Variants in SDHC observed in about 807,000 individuals in gnomAD.
The protein encoded by SDHC is succinate dehydrogenase complex subunit C.
In SDHC, 11 loss-of-function variants were observed where a neutral mutation model predicts 22.6. The ratio of observed to expected loss-of-function variants is 0.49; its 90% confidence interval spans 0.31 to 0.81. SDHC has a LOEUF of 0.81. Among genes scored for constraint, SDHC ranks in the 30% least tolerant of loss-of-function variants. The pLI, the probability that SDHC is intolerant of heterozygous loss-of-function variation, is 0.05. For missense variants in SDHC, 160 were observed against 212.0 expected (o/e 0.75, Z 1.52); for synonymous variants, 80 against 77.8 (o/e 1.03, Z -0.15).
intron 3 of SDHC, among the ~76,000 whole-genome samples, chr1:161,331,069 G>C (rs1314548798): frequency 6.6e-6 from 1 of 150,714 alleles, no homozygotes; most frequent in Non-Finnish European, 1.5e-5. Context: ...CATTAGACAA[G>C]ACGTTCCCTT....
chr1:161,362,058 CG>C (rs1313136184), intron 5 of SDHC, among the ~76,000 whole-genome samples: 1 of 151,790 alleles, frequency 6.6e-6, no homozygotes, highest in African/African-American at 2.4e-5. Context: ...TTTTGTATAC[CG>C]TATGGGGCCT....
chr1:161,362,608 G>A lies in SDHC; in HGVS notation c.*175G>A. The stretch of plus-strand genomic sequence containing the variant: ...TGGTAGACCATAATAGTGGAAAAGG[G>A]TCTAGTTTTCCCCTTGTTTCTAAAG... On this transcript the variant is annotated 3_prime_UTR_variant, in exon 6 of 6. Transcript: ENST00000367975. The A allele has an allele frequency of 1.2e-6, 2 of 1,603,896 alleles. No individual in the cohort carries two copies. The highest frequency in any genetic ancestry group is 1.7e-6 in the Non-Finnish European group (2 of 1,175,106).
chr1:161,320,446 G>A (rs60261157), intron 1 of SDHC, among the ~76,000 whole-genome samples: 17,876 of 152,112 alleles, frequency 0.12, 1,422 homozygotes, highest in African/African-American at 0.22. Context: ...GTCATATAAT[G>A]TATGACTATA....
intron 5 of SDHC, among the ~76,000 whole-genome samples, chr1:161,357,545 G>A (rs561989175): frequency 2.7e-5 from 4 of 150,310 alleles, no homozygotes; most frequent in East Asian, 2.0e-4. Context: ...GACTACAGGC[G>A]CCTCCCACCA....
At chr1:161,335,779 C>T (rs74127630) in intron 3 of SDHC, among the ~76,000 whole-genome samples, 17,810 of 152,054 alleles carry the variant, frequency 0.12, 1,419 homozygotes, top group African/African-American at 0.22. Flanking sequence ...CACATACATA[C>T]GTGTGTGTAT....
At chr1:161,319,633 G>A (rs1670769132) in intron 1 of SDHC, among the ~76,000 whole-genome samples, 1 of 151,996 alleles carries the variant, frequency 6.6e-6, no homozygotes, top group Non-Finnish European at 1.5e-5. Context: ...TTTTACTAGA[G>A]GTGGGGTTTC....
At chr1:161,342,766 G>T (rs572736254) in intron 4 of SDHC, among the ~76,000 whole-genome samples, 1 of 152,152 alleles carries the variant, frequency 6.6e-6, no homozygotes, top group East Asian at 1.9e-4. Flanking sequence ...AAGTGCTGGG[G>T]TTACAGGCGT....
chr1:161,315,200 G>A (rs898838826), intron 1 of SDHC, among the ~76,000 whole-genome samples: 1 of 152,174 alleles, frequency 6.6e-6, no homozygotes, highest in Admixed American at 6.5e-5. Flanking sequence ...GCATAGTTTT[G>A]TGCCAGCCTT....
In SDHC at chr1:161,362,404, T is replaced by C. The variant is rs777072082; in HGVS notation, c.481T>C (p.Leu161=). 1 of 1,613,706 alleles carries C rather than the reference T, an allele frequency of 6.2e-7. No individual in the cohort carries two copies. The highest frequency in any genetic ancestry group is 1.1e-5 in the South Asian group (1 of 91,030). Residue 161 remains leucine, a synonymous_variant, in exon 6 of 6, where the codon TTG becomes CTG. Coordinates refer to ENST00000367975, the MANE Select transcript of SDHC (RefSeq NM_003001.5). ...SGVVVLVLTV[L]SSMGLAAM ...AGTGGTTGTCCTGGTTCTTACTGTG[T>C]TGTCCTCTATGGGGCTGGCAGCCAT...
chr1:161,317,140 T>C (rs1670646546), intron 1 of SDHC, among the ~76,000 whole-genome samples: 1 of 152,020 alleles, frequency 6.6e-6, no homozygotes, highest in South Asian at 2.1e-4. Context: ...TGCCTCAGCC[T>C]TCTGAGTAGA....
rs181548404 is a variant in SDHC, at chr1:161,350,356, A to G, written c.242-6321A>G. ...GTGAGCCACCATGCTCAGCCTGGAT[A>G]ATACCTTTTTGCTGTGTATGGGGGC... On this transcript the variant is annotated intron_variant, in intron 4 of 5. Transcript: ENST00000367975. 3.4e-3 allele frequency among the ~76,000 whole-genome samples: 521 copies of G among 152,328 alleles called. 5 individuals carry two copies. Among genetic ancestry groups the G allele is most frequent in the African/African-American group, 0.012 (489 of 41,570 alleles).
intron 4 of SDHC, among the ~76,000 whole-genome samples, chr1:161,353,027 A>G (rs1219213409): frequency 1.3e-5 from 2 of 152,224 alleles, no homozygotes; most frequent in African/African-American, 4.8e-5. Flanking sequence ...ATGTAGTAGT[A>G]GAATGATTTT....
intron 4 of SDHC, among the ~76,000 whole-genome samples, chr1:161,348,030 TA>T (rs1287475860): frequency 1.3e-5 from 2 of 152,194 alleles, no homozygotes; most frequent in African/African-American, 2.4e-5. Context: ...GCCTCCTGGA[TA>T]AATACAAAAT....
chr1:161,335,370 A>C lies in SDHC; in HGVS notation c.180-5224A>C, dbSNP rs1347506378. 4.6e-5 allele frequency among the ~76,000 whole-genome samples: 7 copies of C among 152,274 alleles called. No individual in the cohort carries two copies. In the East Asian group the frequency reaches 1.3e-3, roughly 29 times the overall value. ...GGCGGGAGATACTTTGAAACTCTAA[A>C]TATTCTTTCTCATCAGATATTTACT... On this transcript the variant is annotated intron_variant, in intron 3 of 5. Coordinates refer to ENST00000367975, the MANE Select transcript of SDHC (RefSeq NM_003001.5).
chr1:161,355,701 G>C (rs1316320167), intron 4 of SDHC, among the ~76,000 whole-genome samples: 2 of 152,030 alleles, frequency 1.3e-5, no homozygotes, highest in Non-Finnish European at 2.9e-5. Context: ...GATAAAAAAA[G>C]GGCCAGGCGC....
intron 4 of SDHC, among the ~76,000 whole-genome samples, chr1:161,349,400 G>C (rs1442434693): frequency 6.6e-6 from 1 of 152,158 alleles, no homozygotes; most frequent in Non-Finnish European, 1.5e-5. Flanking sequence ...AGGAGGCAGA[G>C]GTTGCAGTGA....
In SDHC at chr1:161,331,621, A is replaced by G. The variant is rs1380256970; in HGVS notation, c.179+3124A>G. Among the ~76,000 whole-genome samples the G allele has an allele frequency of 2.1e-5, 3 of 140,574 alleles. No individual in the cohort carries two copies. The Admixed American group carries it at 2.2e-4, about 10-fold the overall frequency. 92.2% of individuals were successfully genotyped at this position (140,574 alleles called of 152,430 possible). On this transcript the variant is annotated intron_variant, in intron 3 of 5. Coordinates refer to ENST00000367975, the MANE Select transcript of SDHC (RefSeq NM_003001.5). ...TTTTTTTTTTTTTTTTCTGAGACAG[A>G]GTCTCACACTATTGCCAGGGCTGCA...
chr1:161,324,125 T>C (rs1670958955), intron 2 of SDHC, among the ~76,000 whole-genome samples: 1 of 152,150 alleles, frequency 6.6e-6, no homozygotes, highest in African/African-American at 2.4e-5. Context: ...TATTTATGGT[T>C]TGTGTGTATG....
intron 4 of SDHC, among the ~76,000 whole-genome samples, chr1:161,352,987 A>G (rs149219863): frequency 6.6e-6 from 1 of 152,336 alleles, no homozygotes; most frequent in East Asian, 1.9e-4. Flanking sequence ...AAAGAAAAAA[A>G]AAGAAAAAAG....
Sources: gnomAD v4.1 joint callset for allele counts (sites outside exome capture counted in the v4.1 genomes callset) on GRCh38, gnomAD v4.1.1 for gene constraint, MANE v1.5 for transcripts, NCBI Gene and HGNC (gene_info 2026-07-23, HGNC 2026-07-21) for gene names.